ZNF658: variants seen among roughly 807,000 people sequenced by gnomAD.
ZNF658 encodes the protein zinc finger protein 658.
Under a neutral mutation model 78.0 loss-of-function variants are expected in ZNF658, and 46 were observed. The observed-to-expected ratio is 0.59, with a 90% CI of 0.47 to 0.75. The LOEUF (loss-of-function observed/expected upper bound fraction) is 0.75. ZNF658 is among the 30% of genes least tolerant of loss of function. The probability of loss-of-function intolerance (pLI) is 0.00; values close to 1 mark genes in which losing one functional copy is unlikely to be tolerated. For synonymous variants in ZNF658, 279 were observed against 408.4 expected (o/e 0.68, Z 3.82); for missense variants, 785 against 1,189.3 (o/e 0.66, Z 5.00).
At position 66,918,460 on chromosome 9, in the gene ZNF658, G is replaced by A; in HGVS notation, c.894G>A (p.Glu298=). ...NKVHMAMTHY[E]CNERGINFSR... Reference sequence around the variant, plus strand: ...TTCACATGGCTATGACACACTATGAGTGTAATGAAAGGGGGATTAATTTCA... The same window carrying A: ...TTCACATGGCTATGACACACTATGAATGTAATGAAAGGGGGATTAATTTCA... The change falls in exon 5 of 5, where the codon GAG becomes GAA. Residue 298 remains glutamate, a synonymous_variant. Transcript: ENST00000621410. The A allele has an allele frequency of 1.9e-6, 3 of 1,610,252 alleles. No homozygotes were observed. Among genetic ancestry groups the A allele is most frequent in the Non-Finnish European group, 2.5e-6 (3 of 1,176,806 alleles).
At position 66,917,948 on chromosome 9, in the gene ZNF658, G is replaced by C; in HGVS notation, c.382G>C (p.Ala128Pro). The C allele has an allele frequency of 4.3e-6, 7 of 1,610,370 alleles. No individual in the cohort carries two copies. The highest frequency in any genetic ancestry group is 5.9e-6 in the Non-Finnish European group (7 of 1,179,476). ...AGAAAAACCATTTAATCTGGAAATA[G>C]CTCCAGAGCTTTCAGAAAAAATATC... Reference protein sequence around the residue: ...VLEKPFNLEIAPELSEKISCK... With the variant: ...VLEKPFNLEIPPELSEKISCK... Residue 128 changes from alanine to proline, a missense_variant, in exon 5 of 5, where the codon GCT (alanine) becomes CCT (proline). By Grantham distance (27) the Ala-to-Pro change is conservative (BLOSUM62 -1). Around this residue, in one of 12 missense-constraint regions of ZNF658, gnomAD observed 54 missense variants for 48.9 expected, o/e 1.10. Transcript: ENST00000621410.
chr9:66,904,648 A>T (rs1822032107), intron 2 of ZNF658, among the ~76,000 whole-genome samples: 1 of 152,086 alleles, frequency 6.6e-6, no homozygotes, highest in Non-Finnish European at 1.5e-5. Context: ...ATTTTAGAAC[A>T]TTTTTATTCC....
Position 66,920,245 on chromosome 9 carries a change from G to T in ZNF658, c.2679G>T (p.Lys893Asn), listed in dbSNP as rs540365174. Residue 893 changes from lysine to asparagine, a missense_variant, in exon 5 of 5, where the codon AAG becomes AAT. Physicochemically the swap from Lys to Asn is moderately conservative, Grantham distance 94. Around this residue, in one of 12 missense-constraint regions of ZNF658, gnomAD observed 85 missense variants for 108.6 expected, o/e 0.78. Transcript: ENST00000621410. ...ECNDCGKTFS[K>N]TSHLRAHLRT... ...ATGACTGTGGGAAGACTTTCTCCAA[G>T]ACATCACATCTCAGAGCACATCTTA... 6.5e-5 allele frequency: 105 copies of T among 1,609,698 alleles called. No homozygotes were observed. Among genetic ancestry groups the T allele is most frequent in the Middle Eastern group, 1.7e-4 (1 of 5,982 alleles).
chr9:66,902,974 C>T (rs185401995), intron 1 of ZNF658: 1 of 152,310 alleles, frequency 6.6e-6, no homozygotes, highest in African/African-American at 2.4e-5. Flanking sequence ...CAGTTCACCC[C>T]CCTCGGCCTC....
rs1481670723 is a variant in ZNF658, at chr9:66,918,855, ATCCTGGAACTTATGTG to A, written c.1290_1305del (p.His430GlnfsTer25). On this transcript the variant is annotated frameshift_variant, in exon 5 of 5. Transcript: ENST00000621410. LOFTEE classifies it high-confidence loss of function. ...TGTTCAAGTTCACATCCTATTCAGC[ATCCTGGAACTTATGTG>A]GGATTCAAACTTTATGAATGTAATG... 6.2e-7 allele frequency: 1 copy of A among 1,605,120 alleles called. No individual in the cohort carries two copies. Among genetic ancestry groups the A allele is most frequent in the African/African-American group, 1.4e-5 (1 of 74,038 alleles).
rs1459560532 is a variant in ZNF658 at position 66,920,049 on chromosome 9, G to A, written c.2483G>A (p.Cys828Tyr). The A allele has an allele frequency of 2.5e-6, 4 of 1,613,250 alleles. No individual in the cohort carries two copies. The highest frequency in any genetic ancestry group is 2.7e-5 in the African/African-American group (2 of 74,888). ...CACACAGGGGAGAAACCCTATGAAT[G>A]TAACCAATGTGGGAAAACTTTCTCC... is the stretch of plus-strand genomic sequence containing the variant. ...RIHTGEKPYECNQCGKTFSQR... is the reference protein window; with the variant it reads ...RIHTGEKPYEYNQCGKTFSQR... The change falls in exon 5 of 5, where the codon TGT (cysteine) becomes TAT (tyrosine). Residue 828 changes from cysteine (C) to tyrosine (Y), a missense_variant. Around this residue, in one of 12 missense-constraint regions of ZNF658, gnomAD observed 58 missense variants for 63.0 expected, o/e 0.92. Coordinates refer to ENST00000621410, the MANE Select transcript of ZNF658 (RefSeq NM_033160.7).
chr9:66,930,358 G>A (rs78227737), intron 6 of ZNF658, among the ~76,000 whole-genome samples: 5,159 of 144,294 alleles, frequency 0.036, 195 homozygotes, highest in East Asian at 0.23. Context: ...ACTCAGAATA[G>A]TGACCTGCAT....
At position 66,920,426 on chromosome 9, in the gene ZNF658, A is replaced by G. The variant is rs1180333633; in HGVS notation, c.2860A>G (p.Arg954Gly). 1 of 1,610,342 alleles carries G rather than the reference A, an allele frequency of 6.2e-7. No individual in the cohort carries two copies. Among genetic ancestry groups the G allele is most frequent in the Non-Finnish European group, 8.5e-7 (1 of 1,179,444 alleles). The change falls in exon 5 of 5, where the codon AGA becomes GGA. Residue 954 changes from arginine (R) to glycine (G), a missense_variant. Physicochemically the swap from Arg to Gly is moderately radical, Grantham distance 125 (BLOSUM62 -2). Coordinates refer to ENST00000621410, the MANE Select transcript of ZNF658 (RefSeq NM_033160.7). The part of the protein sequence containing the change: ...GKPFAHNSTL[R>G]VHQRIHTGEK... ...GCCATTTGCCCATAATTCAACCCTC[A>G]GAGTACATCAAAGAATTCACACAGG... is the stretch of plus-strand genomic sequence containing the variant.
At position 66,921,039 on chromosome 9, in the gene ZNF658, A is replaced by G. The variant is rs1162308844; in HGVS notation, c.*293A>G. The G allele has an allele frequency of 2.3e-6, 1 of 444,412 alleles. No individual in the cohort carries two copies. The highest frequency in any genetic ancestry group is 4.1e-6 in the Non-Finnish European group (1 of 245,088). 27.5% of individuals were successfully genotyped at this position (444,412 alleles called of 1,614,324 possible). A position where few individuals can be genotyped will look rare whatever the true frequency, so the allele number is the denominator to read the frequency against. ...ACTTGGGTCCTGTGTGTTCAAAACC[A>G]TAGAGCACAAGGTCAAGGAAGCTAG... is the stretch of plus-strand genomic sequence containing the variant. On this transcript the variant is annotated 3_prime_UTR_variant, in exon 5 of 5. Transcript: ENST00000621410.
chr9:66,911,339 T>C (rs1313618635), intron 4 of ZNF658, among the ~76,000 whole-genome samples: 1 of 77,426 alleles, frequency 1.3e-5, no homozygotes, highest in Non-Finnish European at 2.5e-5. Context: ...ATGAAAAAAA[T>C]CCACTTGAAA....
intron 2 of ZNF658, among the ~76,000 whole-genome samples, chr9:66,904,714 A>C (rs1207841911): frequency 6.6e-6 from 1 of 152,044 alleles, no homozygotes; most frequent in Non-Finnish European, 1.5e-5. Flanking sequence ...TGAGCCCCAA[A>C]CAACCACTAA....
intron 4 of ZNF658, among the ~76,000 whole-genome samples, chr9:66,914,158 C>T (rs1171791926): frequency 6.6e-6 from 1 of 151,412 alleles, no homozygotes; most frequent in Non-Finnish European, 1.5e-5. Flanking sequence ...AGTCCATACA[C>T]AAAATATCCC....
rs1297395563 is a variant in ZNF658, at chr9:66,911,756, C to A, written c.238+3022C>A. Among the ~76,000 whole-genome samples the A allele has an allele frequency of 4.6e-5, 4 of 86,184 alleles. 1 individual carries two copies. The highest frequency in any genetic ancestry group is 8.6e-5 in the Non-Finnish European group (4 of 46,302). The allele number at this position is 86,184 out of a possible 152,430, so 56.5% of individuals were successfully genotyped here. A position where few individuals can be genotyped will look rare whatever the true frequency, so the allele number is the denominator to read the frequency against. The stretch of plus-strand genomic sequence containing the variant: ...ACGAGTGATACAGGAGGATTTGCTG[C>A]TCTACCAGATATTGAGGCTTTATGT... On this transcript the variant is annotated intron_variant, in intron 4 of 4. Transcript: ENST00000621410.
At position 66,919,043 on chromosome 9, in the gene ZNF658, C is replaced by G; in HGVS notation, c.1477C>G (p.Leu493Val). ...CCAGAAAACAGATGCAGAGATGGAACTCTGTGGTGGCAGTGAATATGGGAA... is the reference window on the plus strand; with the variant it reads ...CCAGAAAACAGATGCAGAGATGGAAGTCTGTGGTGGCAGTGAATATGGGAA... ...GHQKTDAEME[L>V]CGGSEYGKTS... is the part of the protein sequence containing the mutation. Residue 493 changes from leucine (L) to valine (V), a missense_variant, in exon 5 of 5, where the codon CTC becomes GTC. This residue lies in a region of ZNF658 where 393 missense variants were observed against 400.2 expected (regional missense o/e 0.98). Coordinates refer to ENST00000621410, the MANE Select transcript of ZNF658 (RefSeq NM_033160.7). 1.4e-6 allele frequency: 1 copy of G among 735,020 alleles called. No individual in the cohort carries two copies. Among genetic ancestry groups the G allele is most frequent in the Non-Finnish European group, 2.1e-6 (1 of 477,352 alleles). 45.5% of individuals were successfully genotyped at this position (735,020 alleles called of 1,614,324 possible).
At chr9:66,910,651 A>G (rs925889184) in intron 4 of ZNF658, among the ~76,000 whole-genome samples, 8 of 152,024 alleles carry the variant, frequency 5.3e-5, no homozygotes, top group African/African-American at 1.9e-4. Context: ...TACTAAAAAT[A>G]CAGAAAATTA....
chr9:66,913,437 A>C (rs1349494178), intron 4 of ZNF658, among the ~76,000 whole-genome samples: 1 of 151,706 alleles, frequency 6.6e-6, no homozygotes, highest in African/African-American at 2.4e-5. Context: ...GAAGGAAAAA[A>C]AAAAAAAAGT....
chr9:66,921,503 TG>T (rs1822527011), downstream of ZNF658: 1 of 151,468 alleles, frequency 6.6e-6, no homozygotes, highest in Non-Finnish European at 1.5e-5. Flanking sequence ...CACCTAGAAC[TG>T]ATGTACCAAG....
At chr9:66,931,946 T>C (rs930793241) in intron 6 of ZNF658, 2 of 151,584 alleles carry the variant, frequency 1.3e-5, no homozygotes, top group Admixed American at 6.6e-5. Context: ...AAGTTGAAGA[T>C]GTGGAAATAG....
chr9:66,926,964 GTC>G (rs1445509443), intron 6 of ZNF658, among the ~76,000 whole-genome samples: 1 of 149,742 alleles, frequency 6.7e-6, no homozygotes, highest in Non-Finnish European at 1.5e-5. Flanking sequence ...GGAAAGGACA[GTC>G]TCTTCAACAA....
Sources: allele counts gnomAD v4.1 joint callset (sites outside exome capture counted in the v4.1 genomes callset), GRCh38; gene constraint gnomAD v4.1.1; regional missense constraint gnomAD v4.1.1; transcripts MANE v1.5; gene names NCBI Gene and HGNC (gene_info 2026-07-23, HGNC 2026-07-21).